Variants in WDR25 observed in about 807,000 individuals in gnomAD.
WDR25 encodes the protein WD repeat domain 25, also known as WD repeat-containing protein 25.
In WDR25, 35 loss-of-function variants were observed where a neutral mutation model predicts 47.7. That is an observed-to-expected ratio of 0.73 (90% CI 0.56 to 0.97). WDR25 has a LOEUF of 0.97. WDR25 is among the 50% of genes least tolerant of loss of function. The pLI, the probability that WDR25 is intolerant of heterozygous loss-of-function variation, is 0.00. For missense variants in WDR25, 634 were observed against 704.7 expected (o/e 0.90, Z 1.14); for synonymous variants, 248 against 278.9 (o/e 0.89, Z 1.10).
At chr14:100,483,939 A>G in intron 3 of WDR25, 55 bp from the exon 4 acceptor site, 1 of 1,554,820 alleles carries the variant, frequency 6.4e-7, no homozygotes, top group Non-Finnish European at 8.7e-7. Flanking sequence ...GTTTTAAGAT[A>G]TTTGTTTTGT....
At chr14:100,493,964 A>C (rs1261149277) in intron 4 of WDR25, among the ~76,000 whole-genome samples, 2 of 152,250 alleles carry the variant, frequency 1.3e-5, no homozygotes, top group African/African-American at 4.8e-5. Flanking sequence ...CCTTCACCAG[A>C]CACCAGATCT....
chr14:100,449,393 C>T lies in WDR25; in HGVS notation c.823-18628C>T, dbSNP rs964355466. 7.2e-5 allele frequency among the ~76,000 whole-genome samples: 11 copies of T among 152,216 alleles called. No homozygotes were observed. The highest frequency in any genetic ancestry group is 1.3e-4 in the Admixed American group (2 of 15,278). ...GAGACAGCCTGGCACTGGCCTGTGG[C>T]GGTTGCCATGGCAGCAGGACATGAG... On this transcript the variant is annotated intron_variant, in intron 2 of 6. Transcript: ENST00000402312. The surrounding 1 kb of genome is among the most constrained non-coding windows in gnomAD (Gnocchi z 4.2).
intron 4 of WDR25, among the ~76,000 whole-genome samples, chr14:100,494,644 C>T (rs1224866735): frequency 6.6e-6 from 1 of 152,202 alleles, no homozygotes; most frequent in Non-Finnish European, 1.5e-5. Flanking sequence ...ACATGTACTT[C>T]TTAGTCCCCT....
At chr14:100,517,475 A>G (rs1302137005) in intron 4 of WDR25, among the ~76,000 whole-genome samples, 2 of 152,124 alleles carry the variant, frequency 1.3e-5, no homozygotes, top group African/African-American at 4.8e-5. Flanking sequence ...TTGTTGCTGT[A>G]AGGACTACAA....
intron 3 of WDR25, among the ~76,000 whole-genome samples, chr14:100,483,414 T>TTG (rs1339328541): frequency 2.0e-5 from 3 of 152,164 alleles, no homozygotes; most frequent in Non-Finnish European, 4.4e-5. Context: ...CACCACCCTG[T>TTG]CCAATCTGTG....
At chr14:100,388,841 G>A (rs926805301) in intron 2 of WDR25, among the ~76,000 whole-genome samples, 1 of 152,142 alleles carries the variant, frequency 6.6e-6, no homozygotes, top group Admixed American at 6.5e-5. Context: ...CCTTGTGCTC[G>A]CCAGAAGCTG....
At chr14:100,515,104 C>A (rs1023555436) in intron 4 of WDR25, among the ~76,000 whole-genome samples, 2 of 152,118 alleles carry the variant, frequency 1.3e-5, no homozygotes, top group African/African-American at 4.8e-5. Flanking sequence ...GTATATAATG[C>A]ATCTTTTCTC....
At chr14:100,444,851 T>C (rs1392464708) in intron 2 of WDR25, among the ~76,000 whole-genome samples, 2 of 152,238 alleles carry the variant, frequency 1.3e-5, no homozygotes, top group Non-Finnish European at 2.9e-5. Context: ...GAACCAAAGT[T>C]GATAGTGCCT....
chr14:100,478,798 C>A (rs561875359), intron 3 of WDR25, among the ~76,000 whole-genome samples: 2 of 152,178 alleles, frequency 1.3e-5, no homozygotes, highest in Non-Finnish European at 2.9e-5. Context: ...TTTCTCTCAT[C>A]TTTCTTCCCC....
chr14:100,446,114 G>A (rs1409166835), intron 2 of WDR25, among the ~76,000 whole-genome samples: 1 of 152,188 alleles, frequency 6.6e-6, no homozygotes, highest in Non-Finnish European at 1.5e-5. Flanking sequence ...CTCCTGGCGT[G>A]GTGGGGAAGG....
At chr14:100,483,868 G>T in intron 3 of WDR25, 126 bp from the exon 4 acceptor site, 1 of 1,176,874 alleles carries the variant, frequency 8.5e-7, no homozygotes, top group Non-Finnish European at 1.2e-6. Flanking sequence ...AGTGTCCATT[G>T]GGCTACATCG....
intron 2 of WDR25, among the ~76,000 whole-genome samples, chr14:100,426,230 T>C (rs1898164569): frequency 6.6e-6 from 1 of 152,302 alleles, no homozygotes; most frequent in African/African-American, 2.4e-5. Context: ...TGTATTGGGT[T>C]ATGTCTGTAG....
At chr14:100,487,766 A>G (rs1900433988) in intron 4 of WDR25, 1 of 152,204 alleles carries the variant, frequency 6.6e-6, no homozygotes, top group Non-Finnish European at 1.5e-5. Flanking sequence ...ACTTTATTAC[A>G]CATTCCACTG....
chr14:100,529,668 G>A lies in WDR25; in HGVS notation c.1414-152G>A, dbSNP rs1341319474. On this transcript the variant is annotated intron_variant, in intron 6 of 6. Transcript: ENST00000402312. The surrounding 1 kb of genome is among the most constrained non-coding windows in gnomAD (Gnocchi z 5.1). ...GCATCAGGGCTCTACAGCCTCATGG[G>A]CGGGACCTGGGCTTTGGCCTCAGGG... 4 of 838,788 alleles carry A rather than the reference G, an allele frequency of 4.8e-6. No homozygotes were observed. The highest frequency in any genetic ancestry group is 1.8e-6 in the Non-Finnish European group (1 of 548,694). The allele number at this position is 838,788 out of a possible 1,614,324, so 52.0% of individuals were successfully genotyped here. A position where few individuals can be genotyped will look rare whatever the true frequency, so the allele number is the denominator to read the frequency against.
At chr14:100,420,933 A>G (rs2140211931) in intron 2 of WDR25, among the ~76,000 whole-genome samples, 1 of 152,318 alleles carries the variant, frequency 6.6e-6, no homozygotes, top group East Asian at 1.9e-4. Flanking sequence ...GCCTTTGTCT[A>G]TGCTATGCTT....
intron 1 of WDR25, among the ~76,000 whole-genome samples, chr14:100,377,048 T>G (rs1302087868): frequency 6.6e-6 from 1 of 152,188 alleles, no homozygotes; most frequent in Non-Finnish European, 1.5e-5. Context: ...CATCTTACTG[T>G]CTGTTCCTCT....
chr14:100,452,385 C>CAAAT (rs1899064862), intron 2 of WDR25, among the ~76,000 whole-genome samples: 1 of 152,130 alleles, frequency 6.6e-6, no homozygotes, highest in Non-Finnish European at 1.5e-5. Context: ...AACAAATAAG[C>CAAAT]AAATAAATAA....
intron 2 of WDR25, among the ~76,000 whole-genome samples, chr14:100,412,291 G>A (rs1218697076): frequency 6.6e-6 from 1 of 151,922 alleles, no homozygotes; most frequent in Non-Finnish European, 1.5e-5. Flanking sequence ...GTTTGGTTTA[G>A]TGAAGATGAA....
intron 4 of WDR25, among the ~76,000 whole-genome samples, chr14:100,495,283 G>A (rs751830684): frequency 2.6e-5 from 4 of 152,214 alleles, no homozygotes; most frequent in Non-Finnish European, 5.9e-5. Flanking sequence ...TTTGAACCCT[G>A]GAAGCGGAGG....
Sources: allele counts gnomAD v4.1 joint callset (sites outside exome capture counted in the v4.1 genomes callset), GRCh38; gene constraint gnomAD v4.1.1; non-coding constraint Gnocchi (gnomAD v3.1); transcripts MANE v1.5; gene names NCBI Gene and HGNC (gene_info 2026-07-23, HGNC 2026-07-21).